The following NRG3 variants were observed in gnomAD, a reference collection of about 807,000 sequenced individuals.
NRG3 encodes the protein pro-neuregulin-3, membrane-bound isoform.
In NRG3, 31 loss-of-function variants were observed where a neutral mutation model predicts 66.9. The observed-to-expected ratio is 0.46, with a 90% CI of 0.35 to 0.63. The LOEUF (loss-of-function observed/expected upper bound fraction) is 0.63, where lower values mean the gene tolerates loss of function less well. Ranked by LOEUF, NRG3 falls within the 20% of genes least tolerant of loss-of-function variation. The pLI, the probability that NRG3 is intolerant of heterozygous loss-of-function variation, is 0.00. For synonymous variants in NRG3, 393 were observed against 359.4 expected, an observed-to-expected ratio of 1.09 and a Z score of -1.06; for missense variants, 910 against 878.9, an observed-to-expected ratio of 1.04 and a Z score of -0.45.
intron 1 of NRG3, among the ~76,000 whole-genome samples, chr10:82,225,150 A>T (rs2076108782): frequency 6.6e-6 from 1 of 152,164 alleles, no homozygotes; most frequent in South Asian, 2.1e-4. Context: ...AAAGATAAGT[A>T]AAAATGATAC....
intron 3 of NRG3, among the ~76,000 whole-genome samples, chr10:82,812,639 C>T (rs2061537040): frequency 6.6e-6 from 1 of 152,096 alleles, no homozygotes; most frequent in Admixed American, 6.6e-5. Context: ...ATTTAAAAAG[C>T]ACACTCAGGA....
chr10:82,540,227 GAT>G (rs781527254), intron 2 of NRG3, among the ~76,000 whole-genome samples: 3 of 150,340 alleles, frequency 2.0e-5, no homozygotes, highest in Non-Finnish European at 4.4e-5. Flanking sequence ...TTATCCATGG[GAT>G]TCTTAAAAAA....
At chr10:82,396,393 CA>C (rs2086714355) in intron 2 of NRG3, among the ~76,000 whole-genome samples, 1 of 152,178 alleles carries the variant, frequency 6.6e-6, no homozygotes, top group Admixed American at 6.6e-5. Context: ...ACATTTAATT[CA>C]AATTCCACTT....
intron 4 of NRG3, among the ~76,000 whole-genome samples, chr10:82,889,186 A>C (rs1185411176): frequency 6.6e-6 from 1 of 152,140 alleles, no homozygotes; most frequent in African/African-American, 2.4e-5. Flanking sequence ...AGGCTACTGT[A>C]AGGATCTAGA....
chr10:82,017,404 T>C (rs529578644), intron 1 of NRG3, among the ~76,000 whole-genome samples: 4 of 152,328 alleles, frequency 2.6e-5, no homozygotes, highest in African/African-American at 9.6e-5. Flanking sequence ...AACATACGTG[T>C]GCATGTGTCT....
intron 1 of NRG3, among the ~76,000 whole-genome samples, chr10:82,167,010 C>T (rs143591134): frequency 1.6e-3 from 244 of 152,028 alleles, no homozygotes; most frequent in African/African-American, 5.7e-3. Context: ...CATCTTTTCT[C>T]TCTGCCTGTT....
Position 82,805,358 on chromosome 10 carries a change from G to A in NRG3, c.1028-60053G>A, listed in dbSNP as rs192881937. Reference sequence around the variant, plus strand: ...TTTTTCAGCATACTTTCATTTAAACGTGAATGCACTTAGAGTAAAACCACT... The same window carrying A: ...TTTTTCAGCATACTTTCATTTAAACATGAATGCACTTAGAGTAAAACCACT... On this transcript the variant is annotated intron_variant, in intron 3 of 8. Coordinates refer to ENST00000372141, the MANE Select transcript of NRG3 (RefSeq NM_001010848.4). Among the ~76,000 whole-genome samples, 540 of 152,216 alleles carry A rather than the reference G, an allele frequency of 3.5e-3. 3 individuals carry two copies. The highest frequency in any genetic ancestry group is 8.2e-3 in the African/African-American group (342 of 41,530).
intron 2 of NRG3, among the ~76,000 whole-genome samples, chr10:82,456,553 A>C (rs1350646492): frequency 1.3e-5 from 2 of 151,960 alleles, no homozygotes; most frequent in Non-Finnish European, 1.5e-5. Context: ...GGTAATAGAA[A>C]TTTTTCAGCT....
intron 2 of NRG3, among the ~76,000 whole-genome samples, chr10:82,601,904 CTA>C (rs897814420): frequency 6.9e-6 from 1 of 144,428 alleles, no homozygotes; most frequent in Non-Finnish European, 1.5e-5. Context: ...ATATATATAA[CTA>C]TATATATATA....
intron 1 of NRG3, among the ~76,000 whole-genome samples, chr10:81,901,023 A>G (rs919971666): frequency 2.0e-5 from 3 of 152,234 alleles, no homozygotes; most frequent in African/African-American, 4.8e-5. Flanking sequence ...GGAAATGCTT[A>G]TTGATATTTA....
At chr10:81,988,149 T>C (rs995479714) in intron 1 of NRG3, among the ~76,000 whole-genome samples, 5 of 152,198 alleles carry the variant, frequency 3.3e-5, no homozygotes, top group African/African-American at 4.8e-5. Flanking sequence ...TGTTTTGATA[T>C]TTAATTTACA....
chr10:82,006,249 T>C (rs1387267192), intron 1 of NRG3, among the ~76,000 whole-genome samples: 2 of 152,118 alleles, frequency 1.3e-5, no homozygotes, highest in Admixed American at 1.3e-4. Context: ...TATTGGCCAT[T>C]TGAGTGTCTT....
intron 2 of NRG3, among the ~76,000 whole-genome samples, chr10:82,491,887 G>A (rs2132258191): frequency 6.6e-6 from 1 of 152,104 alleles, no homozygotes; most frequent in East Asian, 1.9e-4. Flanking sequence ...CTCTTTCTTT[G>A]GTTAGAAAAA....
rs540730309 is a variant in NRG3 at position 82,152,134 on chromosome 10, C to T, written c.824-206605C>T. 5.9e-5 allele frequency among the ~76,000 whole-genome samples: 9 copies of T among 152,132 alleles called. No individual in the cohort carries two copies. In the East Asian group the frequency reaches 1.2e-3, roughly 20 times the overall value. ...TAACTCCTTAACTCTGCCATTGTACCGTGAAAGCAGCCACAGACATATGTA... is the reference window on the plus strand; with the variant it reads ...TAACTCCTTAACTCTGCCATTGTACTGTGAAAGCAGCCACAGACATATGTA... On this transcript the variant is annotated intron_variant, in intron 1 of 8. Transcript: ENST00000372141.
intron 2 of NRG3, among the ~76,000 whole-genome samples, chr10:82,668,657 C>CT (rs2052994490): frequency 6.6e-6 from 1 of 152,172 alleles, no homozygotes; most frequent in Admixed American, 6.5e-5. Context: ...TTTCCATGCT[C>CT]TGTGTAGAGA....
At chr10:82,938,392 C>T (rs1848278193) in intron 4 of NRG3, among the ~76,000 whole-genome samples, 2 of 152,160 alleles carry the variant, frequency 1.3e-5, no homozygotes, top group South Asian at 4.1e-4. Context: ...AGGAGAGAAC[C>T]CCTGCCTGGA....
chr10:82,375,378 A>C (rs912341784), intron 2 of NRG3, among the ~76,000 whole-genome samples: 2 of 152,090 alleles, frequency 1.3e-5, no homozygotes, highest in Non-Finnish European at 2.9e-5. Context: ...TCTATTAAAA[A>C]TACAAAAAAT....
chr10:82,019,472 C>T (rs1589804847), intron 1 of NRG3, among the ~76,000 whole-genome samples: 1 of 152,088 alleles, frequency 6.6e-6, no homozygotes. Context: ...AGGGAGGATT[C>T]CCTCTTTTTC....
chr10:82,865,002 T>C (rs143460113), intron 3 of NRG3, among the ~76,000 whole-genome samples: 206 of 152,340 alleles, frequency 1.4e-3, no homozygotes, highest in African/African-American at 4.8e-3. Context: ...ACTTTTATTT[T>C]TATTATAGAG....
Sources: gnomAD v4.1 joint callset for allele counts (sites outside exome capture counted in the v4.1 genomes callset) on GRCh38, gnomAD v4.1.1 for gene constraint, MANE v1.5 for transcripts, NCBI Gene and HGNC (gene_info 2026-07-23, HGNC 2026-07-21) for gene names.